PAK4: variants seen among roughly 807,000 people sequenced by gnomAD.
The protein encoded by PAK4 is serine/threonine-protein kinase PAK 4.
A neutral mutation model predicts 53.5 loss-of-function variants in PAK4; 49 were observed. The observed-to-expected ratio is 0.92, with a 90% CI of 0.73 to 1.16. The LOEUF (loss-of-function observed/expected upper bound fraction) is 1.16. Among genes scored for constraint, PAK4 ranks in the 50% most tolerant of loss-of-function variants. The pLI, the probability that PAK4 is intolerant of heterozygous loss-of-function variation, is 0.00. For missense variants in PAK4, 824 were observed against 850.7 expected, an observed-to-expected ratio of 0.97 and a Z score of 0.39; for synonymous variants, 376 against 375.6, an observed-to-expected ratio of 1.00 and a Z score of -0.01.
rs1281841602 is a variant in PAK4, at chr19:39,178,078, G to A, written c.1620+269G>A. On this transcript the variant is annotated intron_variant, in intron 8 of 8. Transcript: ENST00000358301. This position sits in a 1 kb window ranked among gnomAD's most constrained non-coding sequence, Gnocchi z 4.4. Reference sequence around the variant, plus strand: ...CCTAGAGAGATTTGCACGTTTAGAAGTGGAGGACAGGGCCGGGACCTTCCT... The same window carrying A: ...CCTAGAGAGATTTGCACGTTTAGAAATGGAGGACAGGGCCGGGACCTTCCT... Among the ~76,000 whole-genome samples, 1 of 152,154 alleles carries A rather than the reference G, an allele frequency of 6.6e-6. No individual in the cohort carries two copies. The highest frequency in any genetic ancestry group is 6.5e-5 in the Admixed American group (1 of 15,286).
intron 1 of PAK4, among the ~76,000 whole-genome samples, chr19:39,157,523 A>T (rs967331563): frequency 5.9e-5 from 9 of 152,328 alleles, no homozygotes; most frequent in African/African-American, 2.2e-4. Context: ...ACTCTGAGCC[A>T]GGCTGGCTTT....
At chr19:39,136,621 T>C (rs1033374036) in intron 1 of PAK4, among the ~76,000 whole-genome samples, 2 of 152,048 alleles carry the variant, frequency 1.3e-5, no homozygotes, top group Non-Finnish European at 2.9e-5. Context: ...GACATGTGGG[T>C]CTGTTGGTTT....
chr19:39,172,795 T>G, intron 2 of PAK4, 123 bp from the exon 4 acceptor site: 1 of 831,212 alleles, frequency 1.2e-6, no homozygotes. Context: ...CCATGGCATC[T>G]CTTCATTGCG....
intron 1 of PAK4, among the ~76,000 whole-genome samples, chr19:39,155,137 T>C (rs1169758277): frequency 6.6e-6 from 1 of 152,180 alleles, no homozygotes; most frequent in Non-Finnish European, 1.5e-5. Flanking sequence ...GGATTCACCA[T>C]GGCCTGGGTG....
chr19:39,126,067 G>A (rs983511016), intron 1 of PAK4, 148 bp downstream of exon 1: 2 of 152,424 alleles, frequency 1.3e-5, no homozygotes, highest in Non-Finnish European at 2.9e-5. Context: ...GGTTAACGCA[G>A]ACTGGAGGGA....
intron 1 of PAK4, among the ~76,000 whole-genome samples, chr19:39,162,895 C>T (rs918551291): frequency 2.0e-5 from 3 of 151,990 alleles, no homozygotes; most frequent in South Asian, 2.1e-4. Flanking sequence ...GGGGATGTGT[C>T]GGTCCCAAAC....
rs114542350 is a variant in PAK4 at position 39,178,332 on chromosome 19, G to T, written c.1621-92G>T. 10 of 1,421,692 alleles carry T rather than the reference G, an allele frequency of 7.0e-6. No homozygotes were observed. The highest frequency in any genetic ancestry group is 9.5e-6 in the Non-Finnish European group (10 of 1,048,134). The allele number at this position is 1,421,692 out of a possible 1,614,324, so 88.1% of individuals were successfully genotyped here. A position where few individuals can be genotyped will look rare whatever the true frequency, so the allele number is the denominator to read the frequency against. On this transcript the variant is annotated intron_variant, in intron 8 of 8. Transcript: ENST00000358301. The surrounding 1 kb of genome is among the most constrained non-coding windows in gnomAD (Gnocchi z 4.4). ...CCTGCCCTCCTGCACAGTACATGCC[G>T]CCAGCCGACTTGGCAGAGGCGGACA... is the stretch of plus-strand genomic sequence containing the variant.
downstream of PAK4, chr19:39,180,264 C>T (rs1452897243): frequency 6.6e-6 from 1 of 152,102 alleles, no homozygotes; most frequent in Admixed American, 6.6e-5. Flanking sequence ...GCGGTGCAAG[C>T]AGCTGTGCTC....
chr19:39,130,976 C>T (rs530248516), intron 1 of PAK4, among the ~76,000 whole-genome samples: 6 of 151,900 alleles, frequency 3.9e-5, no homozygotes, highest in Non-Finnish European at 5.9e-5. Context: ...GATGGAGGAG[C>T]GTCCTCGTGC....
At chr19:39,156,534 C>T (rs1026184627) in intron 1 of PAK4, among the ~76,000 whole-genome samples, 10 of 151,914 alleles carry the variant, frequency 6.6e-5, no homozygotes, top group Admixed American at 4.6e-4. Context: ...TGGTTGGGGT[C>T]CCCGCCCAGC....
chr19:39,159,943 G>A (rs904859765), intron 1 of PAK4, among the ~76,000 whole-genome samples: 1 of 152,180 alleles, frequency 6.6e-6, no homozygotes, highest in Non-Finnish European at 1.5e-5. Context: ...CATTGTGGGG[G>A]CTCATGGATT....
In PAK4 at chr19:39,145,677, G is replaced by A. The variant is rs571428421; in HGVS notation, c.-23+19758G>A. On this transcript the variant is annotated intron_variant, in intron 1 of 8. Coordinates refer to ENST00000358301, the Ensembl canonical transcript of PAK4. ...GAGCTTATGTAAGGTGTAATGGGGC[G>A]CTGGTGCCGCCTGGGGCCTGTGTGC... Among the ~76,000 whole-genome samples the A allele has an allele frequency of 2.6e-5, 4 of 152,316 alleles. No individual in the cohort carries two copies. The East Asian group carries it at 5.8e-4, about 22-fold the overall frequency.
chr19:39,178,615 C>G lies in PAK4; in HGVS notation c.*36C>G. On this transcript the variant is annotated 3_prime_UTR_variant, in exon 9 of 9. Coordinates refer to ENST00000358301, the Ensembl canonical transcript of PAK4. This position sits in a 1 kb window ranked among gnomAD's most constrained non-coding sequence, Gnocchi z 4.4. ...CCTTCCCCTCAACCAAAGAGCCCCC[C>G]GGGTCACCCCCGCCCCACTGAGGCC... 1 of 1,539,134 alleles carries G rather than the reference C, an allele frequency of 6.5e-7. No individual in the cohort carries two copies. Among genetic ancestry groups the G allele is most frequent in the Non-Finnish European group, 8.8e-7 (1 of 1,136,102 alleles).
At chr19:39,154,039 T>G (rs150426117) in intron 1 of PAK4, among the ~76,000 whole-genome samples, 16 of 152,326 alleles carry the variant, frequency 1.1e-4, no homozygotes, top group African/African-American at 2.6e-4. Flanking sequence ...GTGTGGCGTC[T>G]TCTTTGATGC....
At chr19:39,171,349 C>T (rs944119498) in intron 2 of PAK4, among the ~76,000 whole-genome samples, 4 of 152,084 alleles carry the variant, frequency 2.6e-5, no homozygotes, top group Non-Finnish European at 4.4e-5. Context: ...GCTGGGATTA[C>T]AGGCGCCCAC....
downstream of PAK4, chr19:39,182,351 T>C (rs1343926062): frequency 6.6e-6 from 1 of 152,236 alleles, no homozygotes; most frequent in African/African-American, 2.4e-5. Flanking sequence ...ATGTAGTGTT[T>C]GTGTGTGTCT....
chr19:39,168,364 G>C (rs11670229), intron 1 of PAK4, 62 bp downstream of exon 2: 7,345 of 152,364 alleles, frequency 0.048, 254 homozygotes, highest in Non-Finnish European at 0.073. Context: ...GGGGCCTTAG[G>C]GGGGAGCAGG....
intron 2 of PAK4, among the ~76,000 whole-genome samples, chr19:39,170,622 G>T (rs1227932189): frequency 6.6e-6 from 1 of 152,194 alleles, no homozygotes; most frequent in Non-Finnish European, 1.5e-5. Context: ...GGGGAACTCG[G>T]CCAGGTTTGC....
chr19:39,155,140 C>T (rs1336898932), intron 1 of PAK4, among the ~76,000 whole-genome samples: 1 of 152,186 alleles, frequency 6.6e-6, no homozygotes, highest in East Asian at 1.9e-4. Flanking sequence ...TTCACCATGG[C>T]CTGGGTGCCC....
Sources: allele counts gnomAD v4.1 joint callset (sites outside exome capture counted in the v4.1 genomes callset), GRCh38; gene constraint gnomAD v4.1.1; non-coding constraint Gnocchi (gnomAD v3.1); transcripts MANE v1.5; gene names NCBI Gene and HGNC (gene_info 2026-07-23, HGNC 2026-07-21).